PSTPIP2: variants seen among roughly 807,000 people sequenced by gnomAD.
The protein encoded by PSTPIP2 is proline-serine-threonine phosphatase interacting protein 2, also known as proline-serine-threonine phosphatase-interacting protein 2.
In PSTPIP2, 33 loss-of-function variants were observed where a neutral mutation model predicts 63.3. That is an observed-to-expected ratio of 0.52 (90% CI 0.40 to 0.70). PSTPIP2 has a LOEUF of 0.70. Ranked by LOEUF, PSTPIP2 falls within the 30% of genes least tolerant of loss-of-function variation. PSTPIP2 has a pLI of 0.00. For synonymous variants in PSTPIP2, 125 were observed against 132.7 expected (o/e 0.94, Z 0.40); for missense variants, 312 against 400.7 (o/e 0.78, Z 1.89).
intron 1 of PSTPIP2, among the ~76,000 whole-genome samples, chr18:46,063,854 A>C (rs189539796): frequency 2.7e-4 from 41 of 152,318 alleles, no homozygotes; most frequent in African/African-American, 7.2e-4. Context: ...TATGACTGAC[A>C]GAGTGAAACT....
At chr18:45,991,234 T>C (rs1337077358) in intron 12 of PSTPIP2, among the ~76,000 whole-genome samples, 1 of 152,114 alleles carries the variant, frequency 6.6e-6, no homozygotes, top group Non-Finnish European at 1.5e-5. Flanking sequence ...GGAGTGAAAA[T>C]TCAAAAGCTT....
intron 1 of PSTPIP2, among the ~76,000 whole-genome samples, chr18:46,049,113 G>T (rs1221675061): frequency 1.3e-5 from 2 of 151,576 alleles, no homozygotes; most frequent in African/African-American, 4.9e-5. Context: ...CAAGTGAAGA[G>T]CACATAGGAA....
At chr18:46,001,432 T>A (rs2144071350) in intron 6 of PSTPIP2, among the ~76,000 whole-genome samples, 1 of 152,340 alleles carries the variant, frequency 6.6e-6, no homozygotes, top group East Asian at 1.9e-4. Flanking sequence ...GCCCATTTTT[T>A]TAACCAATTG....
intron 2 of PSTPIP2, chr18:46,029,632 T>G (rs1907717040): frequency 2.7e-6 from 2 of 753,528 alleles, no homozygotes; most frequent in Non-Finnish European, 4.9e-6. Context: ...AGGTGTTAAT[T>G]CTCTGACATT....
chr18:46,001,148 T>C (rs1222813352), intron 6 of PSTPIP2, among the ~76,000 whole-genome samples: 6 of 152,256 alleles, frequency 3.9e-5, no homozygotes, highest in African/African-American at 1.4e-4. Context: ...AGTCTATTTG[T>C]AGTTTTTTGA....
chr18:45,997,521 G>C (rs2051609440), intron 9 of PSTPIP2, among the ~76,000 whole-genome samples: 1 of 151,962 alleles, frequency 6.6e-6, no homozygotes, highest in Admixed American at 6.6e-5. Context: ...CTCAAGCTCT[G>C]TAACCCTATG....
intron 4 of PSTPIP2, among the ~76,000 whole-genome samples, chr18:46,013,347 G>C (rs1006447251): frequency 6.6e-6 from 1 of 152,132 alleles, no homozygotes; most frequent in Non-Finnish European, 1.5e-5. Context: ...CAAACGTCTA[G>C]AATTACTCAA....
intron 9 of PSTPIP2, among the ~76,000 whole-genome samples, chr18:45,994,288 C>A (rs1470520746): frequency 2.6e-5 from 4 of 152,152 alleles, no homozygotes; most frequent in Non-Finnish European, 5.9e-5. Flanking sequence ...GTATTCTATT[C>A]AACAGTGGAT....
Position 46,019,202 on chromosome 18 carries a change from G to A in PSTPIP2, c.213-3265C>T, listed in dbSNP as rs115238664. On this transcript the variant is annotated intron_variant, in intron 3 of 14. Transcript: ENST00000409746. ...CAGGGTTGGGATTTTGTACACTCAC[G>A]GTCCCCTACCACAGCAGCATAAGAT... is the stretch of plus-strand genomic sequence containing the variant. 3.9e-3 allele frequency among the ~76,000 whole-genome samples: 599 copies of A among 152,072 alleles called. 6 individuals carry two copies. Among genetic ancestry groups the A allele is most frequent in the African/African-American group, 0.014 (573 of 41,438 alleles).
intron 1 of PSTPIP2, among the ~76,000 whole-genome samples, chr18:46,055,510 G>A (rs1386213811): frequency 6.6e-6 from 1 of 152,032 alleles, no homozygotes; most frequent in Non-Finnish European, 1.5e-5. Flanking sequence ...TTTTCGTTGA[G>A]GTTTCATGAT....
rs1250061916 is a variant in PSTPIP2 at position 45,983,933 on chromosome 18, G to A, written c.*1526C>T. 1 of 152,162 alleles carries A rather than the reference G, an allele frequency of 6.6e-6. No individual in the cohort carries two copies. Among genetic ancestry groups the A allele is most frequent in the Non-Finnish European group, 1.5e-5 (1 of 68,052 alleles). 9.4% of individuals were successfully genotyped at this position (152,162 alleles called of 1,614,324 possible). A position where few individuals can be genotyped will look rare whatever the true frequency, so the allele number is the denominator to read the frequency against. ...AGGCCGAGGCAGGTGGATCACCTGA[G>A]GTCAGGAGTTTGAGACCAGCCTGAC... is the stretch of plus-strand genomic sequence containing the variant. On this transcript the variant is annotated 3_prime_UTR_variant, in exon 15 of 15. Transcript: ENST00000409746.
intron 2 of PSTPIP2, among the ~76,000 whole-genome samples, chr18:46,026,311 C>CCTGATTT (rs1907576883): frequency 1.3e-5 from 2 of 152,122 alleles, no homozygotes; most frequent in Non-Finnish European, 2.9e-5. Flanking sequence ...TTTGCATTTC[C>CCTGATTT]CTGATTTCTA....
intron 14 of PSTPIP2, among the ~76,000 whole-genome samples, chr18:45,987,016 T>G (rs1198570337): frequency 1.3e-5 from 2 of 152,110 alleles, no homozygotes; most frequent in Non-Finnish European, 1.5e-5. Flanking sequence ...TTTTTGTATT[T>G]TTTGTTTGTT....
At chr18:46,002,025 G>A (rs530542092) in intron 6 of PSTPIP2, among the ~76,000 whole-genome samples, 1 of 152,296 alleles carries the variant, frequency 6.6e-6, no homozygotes, top group East Asian at 1.9e-4. Flanking sequence ...TGTGTTAACA[G>A]TTCTTTTCTT....
chr18:46,035,140 G>A (rs750125954), intron 2 of PSTPIP2, among the ~76,000 whole-genome samples: 8 of 152,082 alleles, frequency 5.3e-5, no homozygotes, highest in Non-Finnish European at 1.0e-4. Flanking sequence ...AGAGAAATAA[G>A]GTCGGGCATG....
intron 1 of PSTPIP2, among the ~76,000 whole-genome samples, chr18:46,064,012 T>A (rs140804120): frequency 6.6e-6 from 1 of 152,208 alleles, no homozygotes; most frequent in Admixed American, 6.5e-5. Context: ...GAATCTGTCA[T>A]GTGCCAGGCA....
chr18:45,991,795 C>T lies in PSTPIP2; in HGVS notation c.920+107G>A, dbSNP rs2051536250. 4 of 1,071,624 alleles carry T rather than the reference C, an allele frequency of 3.7e-6. No individual in the cohort carries two copies. In the Admixed American group the frequency reaches 7.9e-5, roughly 21 times the overall value. 66.4% of individuals were successfully genotyped at this position (1,071,624 alleles called of 1,614,324 possible). A position where few individuals can be genotyped will look rare whatever the true frequency, so the allele number is the denominator to read the frequency against. On this transcript the variant is annotated intron_variant, in intron 12 of 14. Transcript: ENST00000409746. ...CCAAAAAGCAAGCAGCCTTATTAAG[C>T]AGATGCAGTAGTAGATATGTTCCAA...
chr18:46,046,019 C>G (rs1044669419), intron 1 of PSTPIP2, among the ~76,000 whole-genome samples: 1 of 152,246 alleles, frequency 6.6e-6, no homozygotes, highest in African/African-American at 2.4e-5. Flanking sequence ...GATAGACAAA[C>G]AGACCAACAG....
chr18:46,014,237 G>A (rs574429598), intron 4 of PSTPIP2, among the ~76,000 whole-genome samples: 40 of 152,156 alleles, frequency 2.6e-4, no homozygotes, highest in African/African-American at 9.4e-4. Context: ...GGCCAGACTA[G>A]TCTTGAACTC....
Sources: gnomAD v4.1 joint callset for allele counts (sites outside exome capture counted in the v4.1 genomes callset) on GRCh38, gnomAD v4.1.1 for gene constraint, MANE v1.5 for transcripts, NCBI Gene and HGNC (gene_info 2026-07-23, HGNC 2026-07-21) for gene names.